Variants in PPM1G observed in about 807,000 individuals in gnomAD.
PPM1G encodes the protein protein phosphatase 1G.
PPM1G carries 12 observed loss-of-function variants against 59.4 expected under a neutral mutation model. The ratio of observed to expected loss-of-function variants is 0.20; its 90% confidence interval spans 0.13 to 0.33. The LOEUF (loss-of-function observed/expected upper bound fraction) is 0.33, where lower values mean the gene tolerates loss of function less well. Among genes scored for constraint, PPM1G ranks in the 10% least tolerant of loss-of-function variants. The probability of loss-of-function intolerance (pLI) is 1.00; values close to 1 mark genes in which losing one functional copy is unlikely to be tolerated. For missense variants in PPM1G, 392 were observed against 681.3 expected, an observed-to-expected ratio of 0.58 and a Z score of 4.73; for synonymous variants, 245 against 251.9, an observed-to-expected ratio of 0.97 and a Z score of 0.26.
At position 27,383,645 on chromosome 2, in the gene PPM1G, G is replaced by A. The variant is rs564468973; in HGVS notation, c.967-45C>T. On this transcript the variant is annotated intron_variant, in intron 6 of 9. Coordinates refer to ENST00000344034, the MANE Select transcript of PPM1G (RefSeq NM_177983.3). This position sits in a 1 kb window ranked among gnomAD's most constrained non-coding sequence, Gnocchi z 5.0. ...GCATCATGGGGGCTTCTGAACATGCGTTCCTCACTGATGTGCTCCTGATCG... is the reference window on the plus strand; with the variant it reads ...GCATCATGGGGGCTTCTGAACATGCATTCCTCACTGATGTGCTCCTGATCG... 1.8e-5 allele frequency: 28 copies of A among 1,525,226 alleles called. No individual in the cohort carries two copies. The highest frequency in any genetic ancestry group is 2.3e-5 in the Non-Finnish European group (26 of 1,120,210). The allele number at this position is 1,525,226 out of a possible 1,614,324, so 94.5% of individuals were successfully genotyped here.
Position 27,381,592 on chromosome 2 carries a change from A to T in PPM1G, c.*7T>A. ...ACAGTCTAGGTGGGCAGGGGTCTGG[A>T]TGACTGCTAGTCTCGCTTGGCCTTC... On this transcript the variant is annotated 3_prime_UTR_variant, in exon 10 of 10. Transcript: ENST00000344034. The T allele has an allele frequency of 6.2e-7, 1 of 1,614,092 alleles. No homozygotes were observed. Among genetic ancestry groups the T allele is most frequent in the Non-Finnish European group, 8.5e-7 (1 of 1,180,020 alleles).
At chr2:27,400,695 T>C (rs1348530002) in intron 1 of PPM1G, among the ~76,000 whole-genome samples, 1 of 152,206 alleles carries the variant, frequency 6.6e-6, no homozygotes, top group East Asian at 1.9e-4. Flanking sequence ...AAGTCATTAA[T>C]TTGAGATGGA....
intron 1 of PPM1G, among the ~76,000 whole-genome samples, chr2:27,387,569 T>C (rs1198253216): frequency 6.6e-6 from 1 of 151,984 alleles, no homozygotes; most frequent in Non-Finnish European, 1.5e-5. Context: ...GGCGCGATCT[T>C]GGCTCACTGC....
At chr2:27,386,081 A>T in intron 3 of PPM1G, 113 bp downstream of exon 3, 1 of 1,248,792 alleles carries the variant, frequency 8.0e-7, no homozygotes, top group Non-Finnish European at 1.1e-6. Context: ...AGAATTCTTC[A>T]AGAGTAAATA....
rs991116373 is a variant in PPM1G, at chr2:27,382,840, T to TG, written c.1202-236_1202-235insC. Among the ~76,000 whole-genome samples, 5 of 151,744 alleles carry TG rather than the reference T, an allele frequency of 3.3e-5. No homozygotes were observed. Among genetic ancestry groups the TG allele is most frequent in the African/African-American group, 1.2e-4 (5 of 41,366 alleles). ...TTTAAGTCTTTTTTGTTTTTTTTTT[T>TG]TTGAGACGGAGTTTCACTCTTGTAG... On this transcript the variant is annotated intron_variant, in intron 7 of 9. Coordinates refer to ENST00000344034, the MANE Select transcript of PPM1G (RefSeq NM_177983.3). This position sits in a 1 kb window ranked among gnomAD's most constrained non-coding sequence, Gnocchi z 4.2.
In PPM1G at chr2:27,382,450, ATT is replaced by A. The variant is rs1426994790; in HGVS notation, c.1331+24_1331+25del. 6.2e-7 allele frequency: 1 copy of A among 1,613,418 alleles called. No homozygotes were observed. Among genetic ancestry groups the A allele is most frequent in the Non-Finnish European group, 8.5e-7 (1 of 1,179,804 alleles). Reference sequence around the variant, plus strand: ...GAGAAGACATGCTGCAGAAAGGGGAATTTAGGGCATTCTGCCAGTGCTCACCA... The same window carrying A: ...GAGAAGACATGCTGCAGAAAGGGGAATAGGGCATTCTGCCAGTGCTCACCA... On this transcript the variant is annotated intron_variant, in intron 8 of 9. Coordinates refer to ENST00000344034, the MANE Select transcript of PPM1G (RefSeq NM_177983.3). The surrounding 1 kb of genome is among the most constrained non-coding windows in gnomAD (Gnocchi z 4.2).
rs184559318 is a variant in PPM1G, at chr2:27,387,009, G to A, written c.190+80C>T. 11,257 of 1,126,882 alleles carry A rather than the reference G, an allele frequency of 1.0e-2. 78 individuals carry two copies. The highest frequency in any genetic ancestry group is 0.013 in the Non-Finnish European group (10,012 of 742,778). 69.8% of individuals were successfully genotyped at this position (1,126,882 alleles called of 1,614,324 possible). ...GAGGGCCAGACCCTGGAAAGTAAAT[G>A]AACAAAGGGACCTGTTCTTGCCCTG... On this transcript the variant is annotated intron_variant, in intron 2 of 9. Coordinates refer to ENST00000344034, the MANE Select transcript of PPM1G (RefSeq NM_177983.3).
At chr2:27,402,803 T>C (rs1201641350) in intron 1 of PPM1G, among the ~76,000 whole-genome samples, 2 of 135,632 alleles carry the variant, frequency 1.5e-5, no homozygotes, top group East Asian at 2.3e-4. Flanking sequence ...TAAGACTCCA[T>C]CTCAATAAAT....
chr2:27,391,495 A>G (rs1683901754), intron 1 of PPM1G, among the ~76,000 whole-genome samples: 1 of 152,104 alleles, frequency 6.6e-6, no homozygotes, highest in African/African-American at 2.4e-5. Context: ...GTATCTGTTC[A>G]TGTCCTTTGC....
chr2:27,398,468 C>CAAAA (rs1209786058), intron 1 of PPM1G, among the ~76,000 whole-genome samples: 1 of 149,646 alleles, frequency 6.7e-6, no homozygotes, highest in Non-Finnish European at 1.5e-5. Flanking sequence ...AACAAACAAA[C>CAAAA]AAAATAGACA....
chr2:27,403,884 AAG>A (rs1171788373), intron 1 of PPM1G, among the ~76,000 whole-genome samples: 6 of 152,064 alleles, frequency 3.9e-5, no homozygotes, highest in East Asian at 1.9e-4. Context: ...AAAAAAAAAA[AAG>A]AGAGAGAGAG....
At chr2:27,390,638 TGTCA>T (rs528951536) in intron 1 of PPM1G, among the ~76,000 whole-genome samples, 10 of 152,126 alleles carry the variant, frequency 6.6e-5, no homozygotes, top group Non-Finnish European at 1.5e-4. Flanking sequence ...GTACAAACCA[TGTCA>T]GTTTTTTTTT....
intron 1 of PPM1G, among the ~76,000 whole-genome samples, chr2:27,396,517 T>G (rs1287423697): frequency 6.6e-6 from 1 of 151,736 alleles, no homozygotes; most frequent in African/African-American, 2.4e-5. Flanking sequence ...CAACTGTACA[T>G]TAAAAAAATT....
intron 1 of PPM1G, among the ~76,000 whole-genome samples, chr2:27,388,679 T>A (rs111242383): frequency 0.032 from 4,891 of 151,886 alleles, 130 homozygotes; most frequent in Non-Finnish European, 0.051. Flanking sequence ...ATCGAGACCA[T>A]CCTGGCTAAC....
intron 1 of PPM1G, among the ~76,000 whole-genome samples, chr2:27,391,963 C>T (rs1246561295): frequency 6.6e-6 from 1 of 151,906 alleles, no homozygotes; most frequent in African/African-American, 2.4e-5. Flanking sequence ...ATCTCCTGGA[C>T]CTCGTGATCT....
chr2:27,386,380 G>T, intron 2 of PPM1G, 101 bp from the exon 3 acceptor site: 1 of 846,146 alleles, frequency 1.2e-6, no homozygotes. Context: ...CAAGGGTTGA[G>T]GGGATAAATA....
At chr2:27,392,580 C>G (rs951350850) in intron 1 of PPM1G, among the ~76,000 whole-genome samples, 3 of 140,286 alleles carry the variant, frequency 2.1e-5, no homozygotes, top group South Asian at 4.4e-4. Context: ...AGGCATGAGC[C>G]ACTACGCCAG....
At position 27,384,209 on chromosome 2, in the gene PPM1G, A is replaced by G. The variant is rs1423207602; in HGVS notation, c.826-117T>C. 2.0e-6 allele frequency: 3 copies of G among 1,509,366 alleles called. No individual in the cohort carries two copies. The highest frequency in any genetic ancestry group is 1.9e-5 in the Admixed American group (1 of 51,702). 93.5% of individuals were successfully genotyped at this position (1,509,366 alleles called of 1,614,324 possible). ...ACAGGTCCTCAAAACACTGAAAGAT[A>G]CAAGTATATGGTCATGAAAATTGGG... is the stretch of plus-strand genomic sequence containing the variant. On this transcript the variant is annotated intron_variant, in intron 5 of 9. Transcript: ENST00000344034. This position sits in a 1 kb window ranked among gnomAD's most constrained non-coding sequence, Gnocchi z 4.8.
chr2:27,391,729 T>C (rs1319805149), intron 1 of PPM1G, among the ~76,000 whole-genome samples: 2 of 151,746 alleles, frequency 1.3e-5, no homozygotes, highest in Non-Finnish European at 2.9e-5. Flanking sequence ...ATGTTCTTTT[T>C]TTCTTTCTTT....
Sources: allele counts gnomAD v4.1 joint callset (sites outside exome capture counted in the v4.1 genomes callset), GRCh38; gene constraint gnomAD v4.1.1; non-coding constraint Gnocchi (gnomAD v3.1); transcripts MANE v1.5; gene names NCBI Gene and HGNC (gene_info 2026-07-23, HGNC 2026-07-21).